The following KRCC1 variants were observed in gnomAD, a reference collection of about 807,000 sequenced individuals.
KRCC1 encodes the protein lysine rich coiled-coil 1.
In KRCC1, 3 loss-of-function variants were observed where a neutral mutation model predicts 7.4. The ratio of observed to expected loss-of-function variants is 0.40; its 90% CI spans 0.18 to 1.04. KRCC1 has a LOEUF of 1.04. Ranked by LOEUF, KRCC1 falls within the 50% of genes least tolerant of loss-of-function variation. KRCC1 has a pLI of 0.33. For synonymous variants in KRCC1, 102 were observed against 101.6 expected (o/e 1.00, Z -0.02); for missense variants, 277 against 300.9 (o/e 0.92, Z 0.59).
chr2:88,051,471 C>A (rs1426251828), intron 1 of KRCC1, among the ~76,000 whole-genome samples: 2 of 152,080 alleles, frequency 1.3e-5, no homozygotes, highest in Non-Finnish European at 1.5e-5. Context: ...TGCAAGCAAC[C>A]TTTTTTCCAT....
At position 88,028,040 on chromosome 2, in the gene KRCC1, C is replaced by T. The variant is rs768904269; in HGVS notation, c.524G>A (p.Arg175Gln). Residue 175 changes from arginine (R) to glutamine (Q), a missense_variant, in exon 4 of 4, where the codon CGG becomes CAG. Transcript: ENST00000347055. ...GCTTTTTTTTCTCTTATGCTTAGAC[C>T]GCTCCTCCTCTGATTTTTCTCTGCC... Reference protein sequence around the residue: ...EEGREKSEEERSKHKRKKSCE... With the variant: ...EEGREKSEEEQSKHKRKKSCE... 9.9e-6 allele frequency: 16 copies of T among 1,613,706 alleles called. No individual in the cohort carries two copies. Among genetic ancestry groups the T allele is most frequent in the South Asian group, 8.8e-5 (8 of 91,062 alleles).
At chr2:88,029,558 A>C (rs1672953320) in intron 3 of KRCC1, among the ~76,000 whole-genome samples, 1 of 152,032 alleles carries the variant, frequency 6.6e-6, no homozygotes, top group South Asian at 2.1e-4. Flanking sequence ...ATTGGTGAAA[A>C]AAGCATTCTA....
intron 1 of KRCC1, among the ~76,000 whole-genome samples, chr2:88,047,719 G>A (rs996820141): frequency 3.3e-5 from 5 of 151,500 alleles, no homozygotes; most frequent in Admixed American, 6.6e-5. Flanking sequence ...TAGTAGAACC[G>A]GGGTTTCACC....
chr2:88,028,632 ATTTCCTTTGC>A (rs1400808402), intron 3 of KRCC1, 47 bp from the exon 4 acceptor site: 13 of 861,102 alleles, frequency 1.5e-5, no homozygotes, highest in Non-Finnish European at 1.7e-6. Flanking sequence ...TGTCCTGAGC[ATTTCCTTTGC>A]TCTTTTTTTT....
intron 1 of KRCC1, among the ~76,000 whole-genome samples, chr2:88,048,746 T>A (rs552715006): frequency 1.3e-5 from 2 of 152,350 alleles, no homozygotes; most frequent in African/African-American, 4.8e-5. Flanking sequence ...ATGGACATCC[T>A]TGTTTTATGC....
At chr2:88,042,401 CTTT>C (rs1427257752) in intron 1 of KRCC1, among the ~76,000 whole-genome samples, 2 of 151,766 alleles carry the variant, frequency 1.3e-5, no homozygotes, top group African/African-American at 4.8e-5. Context: ...TGTTTCTTTT[CTTT>C]GACTGCCCAC....
intron 3 of KRCC1, among the ~76,000 whole-genome samples, chr2:88,032,159 T>A (rs554138862): frequency 6.6e-6 from 1 of 151,884 alleles, no homozygotes; most frequent in East Asian, 1.9e-4. Context: ...ATTAATTAAT[T>A]AATTAATTTA....
chr2:88,048,788 A>G lies in KRCC1; in HGVS notation c.-291+6838T>C, dbSNP rs76056992. Among the ~76,000 whole-genome samples the G allele has an allele frequency of 3.3e-5, 5 of 152,358 alleles. No individual in the cohort carries two copies. The East Asian group carries it at 7.7e-4, about 23-fold the overall frequency. On this transcript the variant is annotated intron_variant, in intron 1 of 3. Coordinates refer to ENST00000347055, the MANE Select transcript of KRCC1 (RefSeq NM_016618.3). ...TTAGGGAGTTCTGTAATCCAATACT[A>G]TCTTAATCTTAGTAAAGACCACGCA...
At chr2:88,048,283 T>C (rs1404767716) in intron 1 of KRCC1, among the ~76,000 whole-genome samples, 1 of 152,088 alleles carries the variant, frequency 6.6e-6, no homozygotes, top group Non-Finnish European at 1.5e-5. Flanking sequence ...GGTTTCACCA[T>C]GTTGGTCAAG....
chr2:88,046,894 G>A (rs892437567), intron 1 of KRCC1, among the ~76,000 whole-genome samples: 9 of 151,982 alleles, frequency 5.9e-5, no homozygotes, highest in Non-Finnish European at 8.8e-5. Context: ...GGTTGGTCTC[G>A]AACCTCTGGG....
At chr2:88,045,679 T>C (rs955334854) in intron 1 of KRCC1, among the ~76,000 whole-genome samples, 13 of 152,238 alleles carry the variant, frequency 8.5e-5, no homozygotes, top group South Asian at 4.1e-4. Context: ...CACAAATTCA[T>C]TGAATTGTAC....
intron 1 of KRCC1, among the ~76,000 whole-genome samples, chr2:88,054,607 C>A (rs1673571393): frequency 6.6e-6 from 1 of 152,088 alleles, no homozygotes; most frequent in Non-Finnish European, 1.5e-5. Flanking sequence ...ATGATCAGCA[C>A]TTTGTAATTT....
intron 3 of KRCC1, among the ~76,000 whole-genome samples, chr2:88,030,816 T>G (rs1393198925): frequency 6.6e-6 from 1 of 152,220 alleles, no homozygotes; most frequent in African/African-American, 2.4e-5. Context: ...GAAAAGGAGA[T>G]ACAGTCATGC....
intron 1 of KRCC1, among the ~76,000 whole-genome samples, chr2:88,053,324 A>G (rs894231791): frequency 4.6e-5 from 7 of 152,228 alleles, no homozygotes; most frequent in African/African-American, 1.4e-4. Flanking sequence ...GGTTACTGCT[A>G]GTACTGTGTG....
At chr2:88,043,492 T>A (rs1013861948) in intron 1 of KRCC1, among the ~76,000 whole-genome samples, 2 of 152,246 alleles carry the variant, frequency 1.3e-5, no homozygotes, top group African/African-American at 2.4e-5. Flanking sequence ...GATTTATTAG[T>A]AATCTTTCAT....
chr2:88,054,504 C>T (rs1673568540), intron 1 of KRCC1, among the ~76,000 whole-genome samples: 1 of 152,192 alleles, frequency 6.6e-6, no homozygotes. Flanking sequence ...CCAGGAAGGA[C>T]TGGGCCTGAC....
intron 1 of KRCC1, among the ~76,000 whole-genome samples, chr2:88,044,401 C>CAAAAAAAAAAAA (rs10527729): frequency 2.0e-5 from 3 of 146,640 alleles, no homozygotes; most frequent in African/African-American, 5.2e-5. Context: ...CAAAAGAAAA[C>CAAAAAAAAAAAA]AAAAAAAAAA....
chr2:88,031,442 T>C (rs1235191665), intron 3 of KRCC1, among the ~76,000 whole-genome samples: 1 of 151,898 alleles, frequency 6.6e-6, no homozygotes, highest in Non-Finnish European at 1.5e-5. Context: ...GCCAATATCG[T>C]GAAACCCCGA....
chr2:88,033,726 A>G (rs1284212614), intron 3 of KRCC1, among the ~76,000 whole-genome samples: 1 of 152,252 alleles, frequency 6.6e-6, no homozygotes, highest in Non-Finnish European at 1.5e-5. Context: ...AAGAATGTGG[A>G]AAAATTGGAA....
Sources: allele counts gnomAD v4.1 joint callset (sites outside exome capture counted in the v4.1 genomes callset), GRCh38; gene constraint gnomAD v4.1.1; transcripts MANE v1.5; gene names NCBI Gene and HGNC (gene_info 2026-07-23, HGNC 2026-07-21).